HDAC4: variants seen among roughly 807,000 people sequenced by gnomAD.
HDAC4 encodes the protein histone deacetylase 4, also known as histone deacetylase A.
A neutral mutation model predicts 135.1 loss-of-function variants in HDAC4; 16 were observed. The ratio of observed to expected loss-of-function variants is 0.12; its 90% CI spans 0.08 to 0.18. The LOEUF (loss-of-function observed/expected upper bound fraction) is 0.18. Among genes scored for constraint, HDAC4 ranks in the 10% least tolerant of loss-of-function variants. The probability of loss-of-function intolerance (pLI) is 1.00; values close to 1 mark genes in which losing one functional copy is unlikely to be tolerated. For synonymous variants in HDAC4, 685 were observed against 653.4 expected, an observed-to-expected ratio of 1.05 and a Z score of -0.74; for missense variants, 1,143 against 1,511.8, an observed-to-expected ratio of 0.76 and a Z score of 4.05.
intron 22 of HDAC4, among the ~76,000 whole-genome samples, chr2:239,080,341 G>A (rs1390344155): frequency 6.6e-6 from 1 of 152,240 alleles, no homozygotes; most frequent in Non-Finnish European, 1.5e-5. Flanking sequence ...ACAGAGACAC[G>A]GCATGTCAGG....
intron 6 of HDAC4, among the ~76,000 whole-genome samples, chr2:239,159,220 C>G (rs2042622332): frequency 6.7e-6 from 1 of 150,026 alleles, no homozygotes; most frequent in Non-Finnish European, 1.5e-5. Flanking sequence ...TTACTCACAC[C>G]CACATCTCAC....
intron 1 of HDAC4, among the ~76,000 whole-genome samples, chr2:239,365,949 TAC>T (rs775893185): frequency 1.2e-5 from 1 of 82,382 alleles, no homozygotes; most frequent in Non-Finnish European, 2.5e-5. Flanking sequence ...CTATGTGACA[TAC>T]ACAGACATGC....
intron 3 of HDAC4, among the ~76,000 whole-genome samples, chr2:239,217,095 C>T (rs148843713): frequency 4.5e-4 from 68 of 152,252 alleles, no homozygotes; most frequent in Non-Finnish European, 5.3e-4. Context: ...TGGCAGGCTG[C>T]GGGCACTGGG....
chr2:239,386,310 G>A (rs967069817), intron 1 of HDAC4, among the ~76,000 whole-genome samples: 4 of 152,154 alleles, frequency 2.6e-5, no homozygotes, highest in African/African-American at 9.7e-5. Flanking sequence ...GGCATCCTCA[G>A]TTTCTGTACG....
At chr2:239,345,582 C>T (rs1028275016) in intron 2 of HDAC4, among the ~76,000 whole-genome samples, 1 of 151,068 alleles carries the variant, frequency 6.6e-6, no homozygotes, top group African/African-American at 2.4e-5. Context: ...CACACACACA[C>T]GGACACCCTA....
intron 1 of HDAC4, among the ~76,000 whole-genome samples, chr2:239,374,837 C>CTGGTGGTGCA (rs1407147093): frequency 1.3e-5 from 2 of 152,186 alleles, no homozygotes; most frequent in Non-Finnish European, 2.9e-5. Context: ...TGGACGAGAG[C>CTGGTGGTGCA]CAAGCTGGCC....
intron 2 of HDAC4, among the ~76,000 whole-genome samples, chr2:239,345,829 A>ACC (rs58312576): frequency 7.6e-6 from 1 of 131,742 alleles, no homozygotes; most frequent in African/African-American, 3.0e-5. Flanking sequence ...TAAAATACAC[A>ACC]CCCCCGTCTC....
intron 6 of HDAC4, among the ~76,000 whole-genome samples, chr2:239,160,774 G>A (rs1013706471): frequency 6.6e-6 from 1 of 152,252 alleles, no homozygotes; most frequent in Non-Finnish European, 1.5e-5. Context: ...GACTGTGACC[G>A]TAAGATGACG....
Position 239,095,045 on chromosome 2 carries a change from A to G in HDAC4, c.2245T>C (p.Ser749Pro). The change falls in exon 17 of 27, where the codon TCC (serine) becomes CCC (proline). Residue 749 changes from serine to proline, a missense_variant. This residue lies in a region of HDAC4 where 49 missense variants were observed against 55.6 expected (regional missense o/e 0.88). Coordinates refer to ENST00000543185, the MANE Select transcript of HDAC4 (RefSeq NM_001378414.1). ...DSKKLLGSLA[S>P]VFVRLPCGGV... Reference sequence around the variant, plus strand: ...CCGCAAGGGAGCCGGACGAACACGGAGGCGAGCGAGCCTGTGGGGGGGAGG... The same window carrying G: ...CCGCAAGGGAGCCGGACGAACACGGGGGCGAGCGAGCCTGTGGGGGGGAGG... 1 of 1,613,696 alleles carries G rather than the reference A, an allele frequency of 6.2e-7. No individual in the cohort carries two copies. The highest frequency in any genetic ancestry group is 8.5e-7 in the Non-Finnish European group (1 of 1,179,970).
intron 15 of HDAC4, among the ~76,000 whole-genome samples, chr2:239,106,985 C>A (rs1201240528): frequency 6.6e-6 from 1 of 152,108 alleles, no homozygotes; most frequent in Admixed American, 6.5e-5. Context: ...TACTGGTGGG[C>A]CCTGGCATGG....
chr2:239,400,081 T>G lies in HDAC4; in HGVS notation c.-220+897A>C, dbSNP rs966353177. Among the ~76,000 whole-genome samples the G allele has an allele frequency of 4.6e-5, 7 of 151,958 alleles. No homozygotes were observed. Among genetic ancestry groups the G allele is most frequent in the African/African-American group, 1.7e-4 (7 of 41,386 alleles). On this transcript the variant is annotated intron_variant, in intron 1 of 26. Transcript: ENST00000543185. The surrounding 1 kb of genome is among the most constrained non-coding windows in gnomAD (Gnocchi z 4.7). ...TAAATACGAGATAATTTGCTTATGATTCCGTGGTGTGTTTTCGCAACGCCG... is the reference window on the plus strand; with the variant it reads ...TAAATACGAGATAATTTGCTTATGAGTCCGTGGTGTGTTTTCGCAACGCCG...
At chr2:239,102,735 CT>C in intron 16 of HDAC4, 40 bp downstream of exon 16, 1 of 1,612,508 alleles carries the variant, frequency 6.2e-7, no homozygotes, top group Non-Finnish European at 8.5e-7. Flanking sequence ...CCTCAGGGGA[CT>C]TCAAACCCAA....
At chr2:239,105,888 G>A (rs1466694325) in intron 15 of HDAC4, among the ~76,000 whole-genome samples, 3 of 152,182 alleles carry the variant, frequency 2.0e-5, no homozygotes, top group Admixed American at 6.5e-5. Flanking sequence ...GTGACGTCAC[G>A]TCCCCCTGGG....
chr2:239,390,873 C>T (rs531282512), intron 1 of HDAC4, among the ~76,000 whole-genome samples: 1 of 152,348 alleles, frequency 6.6e-6, no homozygotes, highest in South Asian at 2.1e-4. Context: ...CCTTCAGGGT[C>T]CCTGCTCATG....
intron 7 of HDAC4, among the ~76,000 whole-genome samples, chr2:239,145,312 A>G (rs3791483): frequency 0.78 from 117,891 of 152,110 alleles, 46,949 homozygotes; most frequent in South Asian, 0.94. Context: ...GAGGCTCAGC[A>G]GAGCCCATCC....
chr2:239,208,657 C>A (rs1157636865), intron 3 of HDAC4, among the ~76,000 whole-genome samples: 1 of 152,024 alleles, frequency 6.6e-6, no homozygotes, highest in African/African-American at 2.4e-5. Context: ...CTCCTCCCAC[C>A]CCCACCACCT....
chr2:239,057,086 T>G (rs1357908177), intron 24 of HDAC4, among the ~76,000 whole-genome samples: 1 of 152,228 alleles, frequency 6.6e-6, no homozygotes, highest in Non-Finnish European at 1.5e-5. Context: ...CTGGAGTTAA[T>G]AGTCATGGAC....
chr2:239,094,603 C>A, intron 17 of HDAC4: 1 of 1,143,422 alleles, frequency 8.7e-7, no homozygotes, highest in Non-Finnish European at 1.1e-6. Flanking sequence ...GGTCACTGCA[C>A]TGGGAGCCCC....
intron 2 of HDAC4, among the ~76,000 whole-genome samples, chr2:239,348,313 G>A (rs1432371032): frequency 2.7e-5 from 4 of 146,024 alleles, no homozygotes; most frequent in East Asian, 1.9e-4. Context: ...AATCCACTGC[G>A]GGGCTCCTTG....
Sources: gnomAD v4.1 joint callset for allele counts (sites outside exome capture counted in the v4.1 genomes callset) on GRCh38, gnomAD v4.1.1 for gene constraint, gnomAD v4.1.1 regional missense constraint, Gnocchi (gnomAD v3.1) non-coding constraint, MANE v1.5 for transcripts, NCBI Gene and HGNC (gene_info 2026-07-23, HGNC 2026-07-21) for gene names.